Variants in ZFPM2 observed in about 807,000 individuals in gnomAD.
ZFPM2 encodes the protein zinc finger protein ZFPM2.
A neutral mutation model predicts 98.6 loss-of-function variants in ZFPM2; 20 were observed. The observed-to-expected ratio is 0.20, with a 90% CI of 0.14 to 0.29. The LOEUF (loss-of-function observed/expected upper bound fraction) is 0.29, where lower values mean the gene tolerates loss of function less well. ZFPM2 is among the 10% of genes least tolerant of loss of function. The pLI, the probability that ZFPM2 is intolerant of heterozygous loss-of-function variation, is 1.00. For synonymous variants in ZFPM2, 518 were observed against 502.7 expected (o/e 1.03, Z -0.41); for missense variants, 1,310 against 1,388.6 (o/e 0.94, Z 0.90).
intron 1 of ZFPM2, among the ~76,000 whole-genome samples, chr8:105,341,708 C>A (rs1268766430): frequency 6.6e-6 from 1 of 151,858 alleles, no homozygotes; most frequent in East Asian, 1.9e-4. Context: ...GTTGGTGAAA[C>A]TTTTAGGGTT....
intron 1 of ZFPM2, among the ~76,000 whole-genome samples, chr8:105,374,016 T>G (rs1810674335): frequency 6.6e-6 from 1 of 152,222 alleles, no homozygotes. Context: ...GTTGTTCAAG[T>G]GCTGGGGTTG....
chr8:105,406,196 G>A (rs556543454), intron 1 of ZFPM2, among the ~76,000 whole-genome samples: 1 of 151,908 alleles, frequency 6.6e-6, no homozygotes, highest in East Asian at 1.9e-4. Context: ...AGATGAGTAG[G>A]TTGCAAAAAT....
At chr8:105,442,502 T>C (rs1812275064) in intron 2 of ZFPM2, among the ~76,000 whole-genome samples, 1 of 152,204 alleles carries the variant, frequency 6.6e-6, no homozygotes, top group Non-Finnish European at 1.5e-5. Flanking sequence ...TCCTTAAACA[T>C]AGTAGATGCT....
intron 2 of ZFPM2, among the ~76,000 whole-genome samples, chr8:105,437,466 G>C (rs1462198507): frequency 6.7e-6 from 1 of 149,172 alleles, no homozygotes; most frequent in Non-Finnish European, 1.5e-5. Context: ...CCCCTTAATA[G>C]GTTGAATTAC....
At chr8:105,705,996 C>T (rs200056640) in intron 5 of ZFPM2, among the ~76,000 whole-genome samples, 19 of 152,094 alleles carry the variant, frequency 1.2e-4, no homozygotes, top group Middle Eastern at 3.2e-3. Flanking sequence ...ATGCACCATA[C>T]GATTTATATA....
At chr8:105,381,115 C>A (rs1354328086) in intron 1 of ZFPM2, among the ~76,000 whole-genome samples, 1 of 146,420 alleles carries the variant, frequency 6.8e-6, no homozygotes, top group African/African-American at 2.5e-5. Context: ...TGTGATATTC[C>A]CCTCCCTATG....
At chr8:105,534,871 G>A (rs936429088) in intron 3 of ZFPM2, among the ~76,000 whole-genome samples, 8 of 152,184 alleles carry the variant, frequency 5.3e-5, no homozygotes, top group South Asian at 2.1e-4. Flanking sequence ...GCTGTGGTGC[G>A]GAGAACATAT....
rs548560982 is a variant in ZFPM2, at chr8:105,320,739, A to C, written c.40+1758A>C. Among the ~76,000 whole-genome samples, 89 of 152,254 alleles carry C rather than the reference A, an allele frequency of 5.8e-4. 1 individual carries two copies. The South Asian group carries it at 0.018, about 30-fold the overall frequency. On this transcript the variant is annotated intron_variant, in intron 1 of 7. Coordinates refer to ENST00000407775, the MANE Select transcript of ZFPM2 (RefSeq NM_012082.4). ...CTCAATTAGCTACATTAATTTTTTT[A>C]TTTCCTTCTATGTCCACCTCATATA...
chr8:105,446,739 CA>C (rs35560159), intron 3 of ZFPM2, among the ~76,000 whole-genome samples: 4,813 of 151,954 alleles, frequency 0.032, 115 homozygotes, highest in Non-Finnish European at 0.053. Context: ...GGTATGGCTA[CA>C]AAAAAATTTC....
At chr8:105,407,242 AAAT>A (rs1283171768) in intron 1 of ZFPM2, among the ~76,000 whole-genome samples, 3 of 151,720 alleles carry the variant, frequency 2.0e-5, no homozygotes, top group Non-Finnish European at 4.4e-5. Context: ...AGTGGCAGGG[AAAT>A]AATAACTGAA....
In ZFPM2 at chr8:105,444,517, T is replaced by G. The variant is rs187966053; in HGVS notation, c.301+136T>G. 1.1e-3 allele frequency: 545 copies of G among 495,484 alleles called. 3 individuals carry two copies. Among genetic ancestry groups the G allele is most frequent in the Non-Finnish European group, 1.9e-4 (54 of 289,190 alleles). The allele number at this position is 495,484 out of a possible 1,614,324, so 30.7% of individuals were successfully genotyped here. A position where few individuals can be genotyped will look rare whatever the true frequency, so the allele number is the denominator to read the frequency against. ...GTTACATGAGAGTTTAAATAAAGAT[T>G]ATTATTTTAAAAATACTTCTTAGAT... On this transcript the variant is annotated intron_variant, in intron 3 of 7. Transcript: ENST00000407775.
At chr8:105,410,811 T>C (rs1322172532) in intron 1 of ZFPM2, among the ~76,000 whole-genome samples, 1 of 151,894 alleles carries the variant, frequency 6.6e-6, no homozygotes, top group African/African-American at 2.4e-5. Context: ...GTTCTGTGTT[T>C]AGGTTCAGAT....
chr8:105,599,888 C>T (rs1481137815), intron 4 of ZFPM2, among the ~76,000 whole-genome samples: 2 of 152,080 alleles, frequency 1.3e-5, no homozygotes, highest in Non-Finnish European at 2.9e-5. Context: ...AAAAAAAATT[C>T]TCCACCTCTT....
intron 3 of ZFPM2, among the ~76,000 whole-genome samples, chr8:105,474,788 G>A (rs1401681880): frequency 1.3e-5 from 2 of 152,188 alleles, no homozygotes; most frequent in African/African-American, 4.8e-5. Context: ...AGAAGTGATT[G>A]TGTGGAGACT....
chr8:105,511,121 C>T (rs1436328067), intron 3 of ZFPM2, among the ~76,000 whole-genome samples: 1 of 152,224 alleles, frequency 6.6e-6, no homozygotes, highest in African/African-American at 2.4e-5. Context: ...TGGCCTTCAA[C>T]ACTGGCTGGG....
chr8:105,580,806 TCTC>T (rs1178087927), intron 4 of ZFPM2, among the ~76,000 whole-genome samples: 1 of 95,682 alleles, frequency 1.0e-5, no homozygotes, highest in African/African-American at 5.2e-5. Context: ...TCATTCTCTC[TCTC>T]TCTCTCTCTC....
intron 2 of ZFPM2, among the ~76,000 whole-genome samples, chr8:105,430,233 T>G (rs1300167108): frequency 6.6e-6 from 1 of 152,210 alleles, no homozygotes; most frequent in African/African-American, 2.4e-5. Context: ...GGTGGGACTT[T>G]GAATTCTTTT....
At chr8:105,501,025 T>G (rs970621207) in intron 3 of ZFPM2, among the ~76,000 whole-genome samples, 1 of 152,174 alleles carries the variant, frequency 6.6e-6, no homozygotes, top group African/African-American at 2.4e-5. Context: ...AAATACAAAT[T>G]ATCAAATACA....
intron 3 of ZFPM2, among the ~76,000 whole-genome samples, chr8:105,523,055 G>C (rs1814096529): frequency 6.6e-6 from 1 of 152,146 alleles, no homozygotes; most frequent in Non-Finnish European, 1.5e-5. Flanking sequence ...CTCTGACTTT[G>C]AGCAAATTAG....
Sources: allele counts gnomAD v4.1 joint callset (sites outside exome capture counted in the v4.1 genomes callset), GRCh38; gene constraint gnomAD v4.1.1; transcripts MANE v1.5; gene names NCBI Gene and HGNC (gene_info 2026-07-23, HGNC 2026-07-21).